The following PDE7B variants were observed in gnomAD, a reference collection of about 807,000 sequenced individuals.
The protein encoded by PDE7B is phosphodiesterase 7B.
In PDE7B, 29 loss-of-function variants were observed where a neutral mutation model predicts 56.2. The ratio of observed to expected loss-of-function variants is 0.52; its 90% CI spans 0.38 to 0.70. PDE7B has a LOEUF of 0.70. PDE7B is among the 30% of genes least tolerant of loss of function. The pLI, the probability that PDE7B is intolerant of heterozygous loss-of-function variation, is 0.00. For synonymous variants in PDE7B, 197 were observed against 196.9 expected (o/e 1.00, Z 0.00); for missense variants, 490 against 565.0 (o/e 0.87, Z 1.35).
chr6:136,077,366 A>G (rs1777142144), intron 2 of PDE7B, among the ~76,000 whole-genome samples: 1 of 152,242 alleles, frequency 6.6e-6, no homozygotes, highest in Non-Finnish European at 1.5e-5. Flanking sequence ...TAAACATAGT[A>G]TCCAAGGTGG....
At chr6:135,931,935 GCACACACACACGCGCGCGCACA>G (rs1175735668) in intron 1 of PDE7B, among the ~76,000 whole-genome samples, 10 of 111,206 alleles carry the variant, frequency 9.0e-5, no homozygotes, top group African/African-American at 2.0e-4. Context: ...TTGTTACCGC[GCACACACACACGCGCGCGCACA>G]CACACACACA....
chr6:136,021,918 CA>C (rs1030153135), intron 2 of PDE7B, among the ~76,000 whole-genome samples: 1 of 152,220 alleles, frequency 6.6e-6, no homozygotes, highest in African/African-American at 2.4e-5. Context: ...CTCTAATCTA[CA>C]TAGCCCAGCA....
At chr6:136,140,386 G>T (rs1778299752) in intron 3 of PDE7B, among the ~76,000 whole-genome samples, 3 of 152,168 alleles carry the variant, frequency 2.0e-5, no homozygotes. Flanking sequence ...TTGCAGTATA[G>T]TTTGAAGTCA....
intron 9 of PDE7B, among the ~76,000 whole-genome samples, chr6:136,174,227 T>C (rs1192362109): frequency 6.6e-6 from 1 of 152,132 alleles, no homozygotes; most frequent in East Asian, 1.9e-4. Context: ...TCCATGTAGC[T>C]CCAAATAGTA....
intron 1 of PDE7B, among the ~76,000 whole-genome samples, chr6:135,935,218 T>TTTTATATATATATATATATATATATA (rs1774401563): frequency 2.9e-5 from 1 of 34,726 alleles, no homozygotes; most frequent in Non-Finnish European, 5.0e-5. Context: ...ATATATATAT[T>TTTTATATATATATATATATATATATA]TTCATGATTC....
At chr6:136,139,624 A>G (rs1341990766) in intron 3 of PDE7B, among the ~76,000 whole-genome samples, 1 of 152,190 alleles carries the variant, frequency 6.6e-6, no homozygotes, top group Non-Finnish European at 1.5e-5. Context: ...CATCCTCTCC[A>G]GTACCTGTTG....
intron 3 of PDE7B, among the ~76,000 whole-genome samples, chr6:136,131,322 A>G (rs1778112868): frequency 6.6e-6 from 1 of 152,112 alleles, no homozygotes; most frequent in Non-Finnish European, 1.5e-5. Flanking sequence ...GAAGGTAAGA[A>G]GAAAACAATG....
At chr6:135,981,651 C>A (rs1465380888) in intron 2 of PDE7B, among the ~76,000 whole-genome samples, 1 of 151,146 alleles carries the variant, frequency 6.6e-6, no homozygotes, top group Non-Finnish European at 1.5e-5. Context: ...ACATTTTTCC[C>A]ACAGGAAGGT....
At chr6:136,023,143 A>G (rs1358759887) in intron 2 of PDE7B, among the ~76,000 whole-genome samples, 1 of 152,118 alleles carries the variant, frequency 6.6e-6, no homozygotes, top group East Asian at 1.9e-4. Flanking sequence ...TCCCAAAGTA[A>G]TTTTAGATGC....
intron 2 of PDE7B, among the ~76,000 whole-genome samples, chr6:136,043,347 G>C (rs932489872): frequency 1.3e-5 from 2 of 152,008 alleles, no homozygotes; most frequent in African/African-American, 4.8e-5. Flanking sequence ...GCTAACTCCA[G>C]CTCCCCAATT....
chr6:136,045,715 T>C (rs770981730), intron 2 of PDE7B, among the ~76,000 whole-genome samples: 2 of 151,930 alleles, frequency 1.3e-5, no homozygotes, highest in Non-Finnish European at 2.9e-5. Context: ...GAAGGACAAA[T>C]TTCAAGAGAG....
chr6:135,915,430 A>G (rs1394761371), intron 1 of PDE7B, among the ~76,000 whole-genome samples: 1 of 152,148 alleles, frequency 6.6e-6, no homozygotes, highest in Non-Finnish European at 1.5e-5. Context: ...CAGATAATCC[A>G]CATCTTTGCC....
intron 2 of PDE7B, among the ~76,000 whole-genome samples, chr6:135,990,142 C>A (rs1775455014): frequency 6.8e-6 from 1 of 147,828 alleles, no homozygotes; most frequent in Non-Finnish European, 1.5e-5. Flanking sequence ...ATCGCCCAGG[C>A]TGGAGTGCAA....
intron 2 of PDE7B, among the ~76,000 whole-genome samples, chr6:135,964,607 A>T (rs566751842): frequency 6.6e-6 from 1 of 152,192 alleles, no homozygotes; most frequent in African/African-American, 2.4e-5. Flanking sequence ...TTTTGCTTAT[A>T]CTCTGAGCCT....
intron 9 of PDE7B, among the ~76,000 whole-genome samples, chr6:136,175,148 C>T (rs1778956054): frequency 6.6e-6 from 1 of 152,156 alleles, no homozygotes; most frequent in African/African-American, 2.4e-5. Context: ...CATTTCACAT[C>T]TATGGATTCC....
chr6:136,089,143 C>A (rs1030153890), intron 2 of PDE7B, among the ~76,000 whole-genome samples: 1 of 152,208 alleles, frequency 6.6e-6, no homozygotes, highest in South Asian at 2.1e-4. Context: ...TAAGGTCCCA[C>A]CTCAGTCCTA....
At chr6:136,115,292 G>A (rs183772506) in intron 3 of PDE7B, among the ~76,000 whole-genome samples, 26 of 152,120 alleles carry the variant, frequency 1.7e-4, no homozygotes, top group Middle Eastern at 3.4e-3. Flanking sequence ...ACTCTGTCTT[G>A]GAAATTAAGG....
At chr6:135,965,625 A>G (rs1289902386) in intron 2 of PDE7B, among the ~76,000 whole-genome samples, 1 of 152,188 alleles carries the variant, frequency 6.6e-6, no homozygotes, top group Non-Finnish European at 1.5e-5. Context: ...ACTCCCCTTT[A>G]TAAAACCATC....
intron 1 of PDE7B, among the ~76,000 whole-genome samples, chr6:135,929,800 G>A (rs1774260430): frequency 6.6e-6 from 1 of 152,160 alleles, no homozygotes; most frequent in African/African-American, 2.4e-5. Flanking sequence ...GTTCATGAAG[G>A]CCTCCAGGAG....
Sources: allele counts gnomAD v4.1 joint callset (sites outside exome capture counted in the v4.1 genomes callset), GRCh38; gene constraint gnomAD v4.1.1; transcripts MANE v1.5; gene names NCBI Gene and HGNC (gene_info 2026-07-23, HGNC 2026-07-21).